IRF1: variants seen among roughly 807,000 people sequenced by gnomAD.
IRF1 encodes interferon regulatory factor 1.
In IRF1, 13 loss-of-function variants were observed where a neutral mutation model predicts 43.7. That is an observed-to-expected ratio of 0.30 (90% CI 0.19 to 0.47). The LOEUF is 0.47. Ranked by LOEUF, IRF1 falls within the 20% of genes least tolerant of loss-of-function variation. The probability of loss-of-function intolerance (pLI) is 0.99; values close to 1 mark genes in which losing one functional copy is unlikely to be tolerated. For synonymous variants in IRF1, 138 were observed against 146.8 expected (o/e 0.94, Z 0.43); for missense variants, 236 against 408.9 (o/e 0.58, Z 3.65).
At chr5:132,486,226 C>T (rs1190293879) in intron 7 of IRF1, 25 bp downstream of exon 7, 2 of 1,610,818 alleles carry the variant, frequency 1.2e-6, no homozygotes, top group Admixed American at 3.3e-5. Flanking sequence ...GTCAAGCAGG[C>T]AGGCCAGGCC....
intron 9 of IRF1, 93 bp from the exon 10 acceptor site, chr5:132,484,168 C>A: frequency 6.6e-7 from 1 of 1,514,194 alleles, no homozygotes; most frequent in Non-Finnish European, 9.1e-7. Context: ...ATGGCCTCTG[C>A]TCTTCCCAGC....
At chr5:132,485,363 G>T in intron 8 of IRF1, 1 of 381,318 alleles carries the variant, frequency 2.6e-6, no homozygotes, top group Admixed American at 3.7e-5. Context: ...GCAGGGCTGG[G>T]GCATGTTGGG....
chr5:132,485,782 C>T (rs2126838257), intron 7 of IRF1, 66 bp from the exon 8 acceptor site: 1 of 1,204,100 alleles, frequency 8.3e-7, no homozygotes. Flanking sequence ...GTTCCAGTTC[C>T]AGCCCACCAG....
In IRF1 at chr5:132,482,085, T is replaced by A. The variant is rs180832500; in HGVS notation, c.*1866A>T. On this transcript the variant is annotated 3_prime_UTR_variant, in exon 10 of 10. Coordinates refer to ENST00000245414, the MANE Select transcript of IRF1 (RefSeq NM_002198.3). The stretch of plus-strand genomic sequence containing the variant: ...TTTTTTTTTTGAGACAAAGTCTCAC[T>A]CTTGTCACCCAGGCTGGAGTGCAGT... 6.6e-6 allele frequency: 1 copy of A among 152,070 alleles called. No homozygotes were observed. Among genetic ancestry groups the A allele is most frequent in the East Asian group, 1.9e-4 (1 of 5,172 alleles). 9.4% of individuals were successfully genotyped at this position (152,070 alleles called of 1,614,324 possible).
At position 132,486,946 on chromosome 5, in the gene IRF1, T is replaced by C. The variant is rs1301380759; in HGVS notation, c.364+8A>G. The C allele has an allele frequency of 1.2e-5, 19 of 1,613,984 alleles. No homozygotes were observed. The highest frequency in any genetic ancestry group is 1.6e-5 in the Non-Finnish European group (19 of 1,179,978). On this transcript the variant is annotated splice_region_variant and intron_variant, in intron 4 of 9. Coordinates refer to ENST00000245414, the MANE Select transcript of IRF1 (RefSeq NM_002198.3). ...AGGGCTTCCCAAGGACCCAGAGTCC[T>C]TGGATACCTTTTCTCTGGTTCTTGG...
chr5:132,485,929 C>A, intron 7 of IRF1: 1 of 606,432 alleles, frequency 1.6e-6, no homozygotes, highest in Admixed American at 2.8e-5. Context: ...AACCCTGAAG[C>A]CACGCCGCTT....
chr5:132,488,928 C>T (rs1275856270), intron 2 of IRF1: 111 of 179,070 alleles, frequency 6.2e-4, no homozygotes, highest in Admixed American at 5.8e-3. Flanking sequence ...TCTATAGGGT[C>T]TATGTTGCCC....
At chr5:132,484,876 AT>A (rs34576901) in intron 8 of IRF1, 2 of 169,212 alleles carry the variant, frequency 1.2e-5, no homozygotes, top group Non-Finnish European at 2.5e-5. Flanking sequence ...CCATGTCTCA[AT>A]TTTTTGGGCT....
At chr5:132,484,337 C>A (rs1165344775) in intron 9 of IRF1, 25 bp downstream of exon 9, 1 of 1,612,816 alleles carries the variant, frequency 6.2e-7, no homozygotes, top group Non-Finnish European at 8.5e-7. Context: ...ATCTAAGAAG[C>A]CATAAGGATC....
rs1754464935 is a variant in IRF1, at chr5:132,484,415, G to T, written c.800C>A (p.Ser267Tyr). The T allele has an allele frequency of 6.2e-7, 1 of 1,614,088 alleles. No individual in the cohort carries two copies. Among genetic ancestry groups the T allele is most frequent in the Admixed American group, 1.7e-5 (1 of 60,002 alleles). The change falls in exon 9 of 10, where the codon TCT (serine) becomes TAT (tyrosine). Residue 267 changes from serine to tyrosine, a missense_variant. Ser to Tyr is a moderately radical substitution (Grantham distance 144). Coordinates refer to ENST00000245414, the MANE Select transcript of IRF1 (RefSeq NM_002198.3). Reference protein sequence around the residue: ...LLNEPGVQPTSVYGDFSCKEE... With the variant: ...LLNEPGVQPTYVYGDFSCKEE... ...CTTACAGCTAAAGTCTCCATAGACA[G>T]AGGTGGGCTGGACTCCAGGTTCATT... is the stretch of plus-strand genomic sequence containing the variant.
Position 132,488,352 on chromosome 5 carries a change from CT to C in IRF1, c.88-328del. 7.1e-5 allele frequency: 19 copies of C among 266,598 alleles called. No homozygotes were observed. The South Asian group carries it at 7.8e-4, about 11-fold the overall frequency. The allele number at this position is 266,598 out of a possible 1,614,324, so 16.5% of individuals were successfully genotyped here. On this transcript the variant is annotated intron_variant, in intron 2 of 9. Coordinates refer to ENST00000245414, the MANE Select transcript of IRF1 (RefSeq NM_002198.3). ...TTTTGAAGCTCTGGGATGTTTCTCTCTGGCTTGTAAGCACCCACATGGAAGT... is the reference window on the plus strand; with the variant it reads ...TTTTGAAGCTCTGGGATGTTTCTCTCGGCTTGTAAGCACCCACATGGAAGT...
At chr5:132,489,364 G>A in intron 2 of IRF1, 28 bp downstream of exon 2, 1 of 1,536,676 alleles carries the variant, frequency 6.5e-7, no homozygotes, top group Non-Finnish European at 9.0e-7. Flanking sequence ...TAAAACAGTG[G>A]CAGGAAAACC....
chr5:132,485,849 A>ACACCC, intron 7 of IRF1, 133 bp from the exon 8 acceptor site: 1 of 669,156 alleles, frequency 1.5e-6, no homozygotes. Context: ...ACACACACAC[A>ACACCC]CCCTCCCGGT....
rs760051125 is a variant in IRF1, at chr5:132,486,323, C to A, written c.595G>T (p.Val199Leu). The A allele has an allele frequency of 1.9e-6, 3 of 1,613,234 alleles. No individual in the cohort carries two copies. The highest frequency in any genetic ancestry group is 4.5e-5 in the East Asian group (2 of 44,878). The stretch of plus-strand genomic sequence containing the variant: ...CTGGTGCTGTCCGGCACAACTTCCA[C>A]TGGGATGTGCCAGTCGGGGAGAGTG... ...SSTLPDWHIP[V>L]EVVPDSTSDL... Residue 199 changes from valine (V) to leucine (L), a missense_variant, in exon 7 of 10, where the codon GTG becomes TTG. Around this residue, in one of 2 missense-constraint regions of IRF1, gnomAD observed 170 missense variants for 251.8 expected, o/e 0.68. Transcript: ENST00000245414.
chr5:132,484,229 C>T (rs2070729), intron 9 of IRF1, 133 bp downstream of exon 9: 1 of 1,415,548 alleles, frequency 7.1e-7, no homozygotes, highest in Non-Finnish European at 9.7e-7. Flanking sequence ...GCATGGCAGC[C>T]GTAGCTAATT....
rs2126836112 is a variant in IRF1 at position 132,483,965 on chromosome 5, G to C, written c.964C>G (p.Pro322Ala). ...CAGGGGCCCTGCTACGGTGCACAGGGAATGGCCTGGATGGAGGGCAACCGG... is the reference window on the plus strand; with the variant it reads ...CAGGGGCCCTGCTACGGTGCACAGGCAATGGCCTGGATGGAGGGCAACCGG... ...PVRLPSIQAI[P>A]CAP is the part of the protein sequence containing the mutation. The change falls in exon 10 of 10, where the codon CCC becomes GCC. Residue 322 changes from proline to alanine, a missense_variant. Pro to Ala is a conservative substitution (Grantham distance 27). Around this residue, in one of 2 missense-constraint regions of IRF1, gnomAD observed 170 missense variants for 251.8 expected, o/e 0.68. Coordinates refer to ENST00000245414, the MANE Select transcript of IRF1 (RefSeq NM_002198.3). 6.2e-7 allele frequency: 1 copy of C among 1,613,534 alleles called. No homozygotes were observed. The highest frequency in any genetic ancestry group is 8.5e-7 in the Non-Finnish European group (1 of 1,179,994).
rs1754537285 is a variant in IRF1 at position 132,486,663 on chromosome 5, A to G, written c.438T>C (p.Asp146=). Residue 146 remains aspartate, a synonymous_variant, in exon 6 of 10, where the codon GAT becomes GAC. Coordinates refer to ENST00000245414, the MANE Select transcript of IRF1 (RefSeq NM_002198.3). ...AGCTGCTGAGTCCATCAGAGAAGGT[A>G]TCAGGGCTGGAATCCCCACATGACT... ...KRKSCGDSSP[D]TFSDGLSSST... is the part of the protein sequence containing the mutation. 5 of 1,614,090 alleles carry G rather than the reference A, an allele frequency of 3.1e-6. No individual in the cohort carries two copies. Among genetic ancestry groups the G allele is most frequent in the Non-Finnish European group, 4.2e-6 (5 of 1,179,948 alleles).
At chr5:132,484,308 C>A in intron 9 of IRF1, 54 bp downstream of exon 9, 2 of 1,601,854 alleles carry the variant, frequency 1.2e-6, no homozygotes, top group Non-Finnish European at 8.5e-7. Context: ...CTTTCTCCAT[C>A]CCTACGTGGT....
At position 132,484,420 on chromosome 5, in the gene IRF1, G is replaced by A; in HGVS notation, c.795C>T (p.Pro265=). Residue 265 remains proline (P), a synonymous_variant, in exon 9 of 10, where the codon CCC becomes CCT. Coordinates refer to ENST00000245414, the MANE Select transcript of IRF1 (RefSeq NM_002198.3). ...AGCTAAAGTCTCCATAGACAGAGGTGGGCTGGACTCCAGGTTCATTGAGTA... is the reference window on the plus strand; with the variant it reads ...AGCTAAAGTCTCCATAGACAGAGGTAGGCTGGACTCCAGGTTCATTGAGTA... ...GYLLNEPGVQ[P]TSVYGDFSCK... is the part of the protein sequence containing the mutation. 1.2e-6 allele frequency: 2 copies of A among 1,614,170 alleles called. No homozygotes were observed. The highest frequency in any genetic ancestry group is 1.7e-6 in the Non-Finnish European group (2 of 1,180,028).
Sources: gnomAD v4.1 joint callset for allele counts on GRCh38, gnomAD v4.1.1 for gene constraint, gnomAD v4.1.1 regional missense constraint, MANE v1.5 for transcripts, NCBI Gene and HGNC (gene_info 2026-07-23, HGNC 2026-07-21) for gene names.